The following DAZL variants were observed in gnomAD, a reference collection of about 807,000 sequenced individuals.
The protein encoded by DAZL is deleted in azoospermia like, also known as deleted in azoospermia-like.
Under a neutral mutation model 45.0 loss-of-function variants are expected in DAZL, and 4 were observed. The ratio of observed to expected loss-of-function variants is 0.09; its 90% CI spans 0.04 to 0.20. The LOEUF (loss-of-function observed/expected upper bound fraction) is 0.20, where lower values mean the gene tolerates loss of function less well. Ranked by LOEUF, DAZL falls within the 10% of genes least tolerant of loss-of-function variation. The pLI is 1.00. For synonymous variants in DAZL, 122 were observed against 112.4 expected (o/e 1.09, Z -0.54); for missense variants, 326 against 351.3 (o/e 0.93, Z 0.58).
In DAZL at chr3:16,588,488, T is replaced by A; in HGVS notation, c.*172A>T. The A allele has an allele frequency of 1.8e-6, 1 of 563,010 alleles. No individual in the cohort carries two copies. Among genetic ancestry groups the A allele is most frequent in the Non-Finnish European group, 3.3e-6 (1 of 302,676 alleles). 34.9% of individuals were successfully genotyped at this position (563,010 alleles called of 1,614,324 possible). On this transcript the variant is annotated 3_prime_UTR_variant, in exon 11 of 11. Transcript: ENST00000399444. ...TTTCAACACAGAACCAGTTTCTAAATAAACATCTAATGAAGAACAGTTTAA... is the reference window on the plus strand; with the variant it reads ...TTTCAACACAGAACCAGTTTCTAAAAAAACATCTAATGAAGAACAGTTTAA...
chr3:16,605,076 G>A (rs1051331507), intron 1 of DAZL, 127 bp downstream of exon 1: 7 of 1,229,340 alleles, frequency 5.7e-6, no homozygotes, highest in Admixed American at 1.7e-5. Flanking sequence ...GCTGTGGTGC[G>A]TCCAGGCAGG....
intron 1 of DAZL, among the ~76,000 whole-genome samples, chr3:16,601,576 T>C (rs1341338677): frequency 6.6e-6 from 1 of 152,174 alleles, no homozygotes; most frequent in East Asian, 1.9e-4. Context: ...ATAGACAAAC[T>C]TTGGTGAAAC....
In DAZL at chr3:16,598,135, G is replaced by A. The variant is rs921127259; in HGVS notation, c.194C>T (p.Ser65Leu). 2 of 1,600,594 alleles carry A rather than the reference G, an allele frequency of 1.2e-6. No homozygotes were observed. The highest frequency in any genetic ancestry group is 1.7e-5 in the Admixed American group (1 of 59,620). The change falls in exon 3 of 11, where the codon TCA becomes TTA. Residue 65 changes from serine to leucine, a missense_variant. Ser to Leu is a moderately radical substitution (Grantham distance 145, BLOSUM62 -2). Transcript: ENST00000399444. ...EIRSFFARYG[S>L]VKEVKIITDR... ...AGTGATTATCTTCACTTCTTTCACT[G>A]AACCATATCTAGCAAAGAAGCTTCT...
At position 16,588,317 on chromosome 3, in the gene DAZL, T is replaced by A. The variant is rs1694469007; in HGVS notation, c.*343A>T. 3.2e-6 allele frequency: 1 copy of A among 311,246 alleles called. No homozygotes were observed. Among genetic ancestry groups the A allele is most frequent in the African/African-American group, 2.2e-5 (1 of 46,212 alleles). The allele number at this position is 311,246 out of a possible 1,614,324, so 19.3% of individuals were successfully genotyped here. ...ATGTTTGTATTCAGACCAACAAAAT[T>A]CTGACCTTTCAAAATAGGTTTTTAA... is the stretch of plus-strand genomic sequence containing the variant. On this transcript the variant is annotated 3_prime_UTR_variant, in exon 11 of 11. Transcript: ENST00000399444.
At chr3:16,602,700 C>T (rs970140750) in intron 1 of DAZL, among the ~76,000 whole-genome samples, 14 of 152,058 alleles carry the variant, frequency 9.2e-5, no homozygotes, top group Non-Finnish European at 1.5e-5. Flanking sequence ...TTTAACTCAC[C>T]ACTGAAAAAG....
In DAZL at chr3:16,599,038, C is replaced by T. The variant is rs549821222; in HGVS notation, c.4-440G>A. Among the ~76,000 whole-genome samples, 8 of 152,272 alleles carry T rather than the reference C, an allele frequency of 5.3e-5. No individual in the cohort carries two copies. The East Asian group carries it at 1.2e-3, about 22-fold the overall frequency. On this transcript the variant is annotated intron_variant, in intron 1 of 10. Transcript: ENST00000399444. ...CCTCAGGTGATCCACCCGCCTTGGC[C>T]TCCCAAAGTGCTGGGATTACAGGCG...
Position 16,594,516 on chromosome 3 carries a change from T to G in DAZL, c.621+17A>C. On this transcript the variant is annotated intron_variant, in intron 8 of 10. Coordinates refer to ENST00000399444, the MANE Select transcript of DAZL (RefSeq NM_001351.4). ...TTTAAAATAACAGGAATTATATGTT[T>G]GGCTAATTCACTTTACCGGAGGTAC... 1.3e-6 allele frequency: 2 copies of G among 1,570,026 alleles called. No homozygotes were observed. Among genetic ancestry groups the G allele is most frequent in the South Asian group, 1.2e-5 (1 of 83,776 alleles).
In DAZL at chr3:16,595,298, C is replaced by T. The variant is rs756173358; in HGVS notation, c.570+16G>A. On this transcript the variant is annotated intron_variant, in intron 7 of 10. Transcript: ENST00000399444. ...TAAAATCTGAAAGTAAATCATTTTA[C>T]TCCCTTTTAAATTACCTGATAATTA... The T allele has an allele frequency of 6.4e-6, 9 of 1,411,932 alleles. No homozygotes were observed. The highest frequency in any genetic ancestry group is 8.8e-6 in the Non-Finnish European group (9 of 1,022,436). The allele number at this position is 1,411,932 out of a possible 1,614,324, so 87.5% of individuals were successfully genotyped here.
Position 16,593,671 on chromosome 3 carries a change from C to A in DAZL, c.719G>T (p.Gly240Val). The A allele has an allele frequency of 1.2e-6, 2 of 1,608,936 alleles. No homozygotes were observed. Among genetic ancestry groups the A allele is most frequent in the Non-Finnish European group, 1.7e-6 (2 of 1,176,834 alleles). The part of the protein sequence containing the change: ...CSVHEATPPS[G>V]NGPQKKSVDR... Reference sequence around the variant, plus strand: ...GATGTTTGCCTTTTGTGGGCCATTTCCAGAGGGTGGAGTAGCTTCATGAAC... The same window carrying A: ...GATGTTTGCCTTTTGTGGGCCATTTACAGAGGGTGGAGTAGCTTCATGAAC... The change falls in exon 9 of 11, where the codon GGA (glycine) becomes GTA (valine). Residue 240 changes from glycine to valine, a missense_variant. Gly to Val is a moderately radical substitution (Grantham distance 109). Coordinates refer to ENST00000399444, the MANE Select transcript of DAZL (RefSeq NM_001351.4).
intron 1 of DAZL, among the ~76,000 whole-genome samples, chr3:16,600,762 A>G (rs1694678535): frequency 6.6e-6 from 1 of 152,188 alleles, no homozygotes; most frequent in Non-Finnish European, 1.5e-5. Flanking sequence ...AGCTATATAT[A>G]CAGTATTGTC....
Position 16,605,272 on chromosome 3 carries a change from T to C in DAZL, c.-67A>G. The C allele has an allele frequency of 1.2e-6, 2 of 1,603,646 alleles. No homozygotes were observed. Among genetic ancestry groups the C allele is most frequent in the Non-Finnish European group, 1.7e-6 (2 of 1,170,490 alleles). On this transcript the variant is annotated 5_prime_UTR_variant, in exon 1 of 11. Coordinates refer to ENST00000399444, the MANE Select transcript of DAZL (RefSeq NM_001351.4). ...CAGAGGCTGTGCTTGGCGCACCACT[T>C]CTGGGGCTGCTGTGAGGTCCGCTGG...
Position 16,594,504 on chromosome 3 carries a change from G to A in DAZL, c.621+29C>T, listed in dbSNP as rs1390703140. On this transcript the variant is annotated intron_variant, in intron 8 of 10. Coordinates refer to ENST00000399444, the MANE Select transcript of DAZL (RefSeq NM_001351.4). ...AAAAAAAAATACTTTAAAATAACAG[G>A]AATTATATGTTTGGCTAATTCACTT... 11 of 1,523,458 alleles carry A rather than the reference G, an allele frequency of 7.2e-6. No homozygotes were observed. In the Admixed American group the frequency reaches 9.3e-5, roughly 13 times the overall value. The allele number at this position is 1,523,458 out of a possible 1,614,324, so 94.4% of individuals were successfully genotyped here. A position where few individuals can be genotyped will look rare whatever the true frequency, so the allele number is the denominator to read the frequency against.
In DAZL at chr3:16,597,454, A is replaced by C. The variant is rs367746828; in HGVS notation, c.294+36T>G. The stretch of plus-strand genomic sequence containing the variant: ...TCACTTGACACTAAACATTGTATCA[A>C]TTAAACAAATGAGATTTTTCTATTA... On this transcript the variant is annotated intron_variant, in intron 4 of 10. Coordinates refer to ENST00000399444, the MANE Select transcript of DAZL (RefSeq NM_001351.4). 4 of 1,278,432 alleles carry C rather than the reference A, an allele frequency of 3.1e-6. No individual in the cohort carries two copies. In the Admixed American group the frequency reaches 6.7e-5, roughly 22 times the overall value. 79.2% of individuals were successfully genotyped at this position (1,278,432 alleles called of 1,614,324 possible).
rs1171275118 is a variant in DAZL, at chr3:16,587,510, G to C, written c.*1150C>G. 1 of 91,152 alleles carries C rather than the reference G, an allele frequency of 1.1e-5. No homozygotes were observed. Among genetic ancestry groups the C allele is most frequent in the Non-Finnish European group, 2.2e-5 (1 of 45,952 alleles). The allele number at this position is 91,152 out of a possible 1,614,324, so 5.6% of individuals were successfully genotyped here. ...CCTCAAAGACTAGTGACAAAGGCTG[G>C]AAACGAAAGACTGTGGTATAGCAAA... On this transcript the variant is annotated 3_prime_UTR_variant, in exon 11 of 11. Coordinates refer to ENST00000399444, the MANE Select transcript of DAZL (RefSeq NM_001351.4).
At chr3:16,594,089 G>A (rs1694561157) in intron 8 of DAZL, among the ~76,000 whole-genome samples, 1 of 152,048 alleles carries the variant, frequency 6.6e-6, no homozygotes, top group South Asian at 2.1e-4. Context: ...CAGCAGCTTG[G>A]GTGTTTTAGA....
chr3:16,604,767 G>T, intron 1 of DAZL: 1 of 1,361,632 alleles, frequency 7.3e-7, no homozygotes, highest in Non-Finnish European at 9.4e-7. Flanking sequence ...AAATGAGGCT[G>T]GCGGGGCGGA....
In DAZL at chr3:16,588,396, T is replaced by C. The variant is rs574005173; in HGVS notation, c.*264A>G. The C allele has an allele frequency of 1.4e-5, 5 of 365,776 alleles. No individual in the cohort carries two copies. In the East Asian group the frequency reaches 2.7e-4, roughly 20 times the overall value. The allele number at this position is 365,776 out of a possible 1,614,324, so 22.7% of individuals were successfully genotyped here. Reference sequence around the variant, plus strand: ...TTTTAAACACTTAAAATGCCAATTTTTAAAAAATCCTTGCAGATAAATCTT... The same window carrying C: ...TTTTAAACACTTAAAATGCCAATTTCTAAAAAATCCTTGCAGATAAATCTT... On this transcript the variant is annotated 3_prime_UTR_variant, in exon 11 of 11. Transcript: ENST00000399444.
At chr3:16,591,213 T>C (rs1694512495) in intron 10 of DAZL, among the ~76,000 whole-genome samples, 1 of 152,118 alleles carries the variant, frequency 6.6e-6, no homozygotes, top group South Asian at 2.1e-4. Flanking sequence ...ATAAGATTTA[T>C]CTATCCAACA....
At position 16,587,512 on chromosome 3, in the gene DAZL, A is replaced by C. The variant is rs1304315356; in HGVS notation, c.*1148T>G. ...TCAAAGACTAGTGACAAAGGCTGGA[A>C]ACGAAAGACTGTGGTATAGCAAAAG... On this transcript the variant is annotated 3_prime_UTR_variant, in exon 11 of 11. Transcript: ENST00000399444. 1 of 85,466 alleles carries C rather than the reference A, an allele frequency of 1.2e-5. No individual in the cohort carries two copies. Among genetic ancestry groups the C allele is most frequent in the African/African-American group, 5.7e-5 (1 of 17,598 alleles). 5.3% of individuals were successfully genotyped at this position (85,466 alleles called of 1,614,324 possible).
Sources: gnomAD v4.1 joint callset for allele counts (sites outside exome capture counted in the v4.1 genomes callset) on GRCh38, gnomAD v4.1.1 for gene constraint, MANE v1.5 for transcripts, NCBI Gene and HGNC (gene_info 2026-07-23, HGNC 2026-07-21) for gene names.